RSU1: variants seen among roughly 807,000 people sequenced by gnomAD.
RSU1 encodes the protein rsu-1.
A neutral mutation model predicts 31.1 loss-of-function variants in RSU1; 26 were observed. The ratio of observed to expected loss-of-function variants is 0.84; its 90% CI spans 0.61 to 1.16. RSU1 has a LOEUF of 1.16. Among genes scored for constraint, RSU1 ranks in the 50% most tolerant of loss-of-function variants. The pLI is 0.00. For missense variants in RSU1, 320 were observed against 339.1 expected (o/e 0.94, Z 0.44); for synonymous variants, 164 against 136.3 (o/e 1.20, Z -1.41).
At chr10:16,764,161 TCCTTATTGCG>T (rs1444261677) in intron 4 of RSU1, among the ~76,000 whole-genome samples, 8 of 152,192 alleles carry the variant, frequency 5.3e-5, no homozygotes, top group African/African-American at 1.7e-4. Context: ...AAATTTAACT[TCCTTATTGCG>T]CCAACAATTA....
chr10:16,672,283 C>A (rs1835122438), intron 8 of RSU1, among the ~76,000 whole-genome samples: 2 of 152,034 alleles, frequency 1.3e-5, no homozygotes, highest in Non-Finnish European at 2.9e-5. Context: ...GCACTCCAGC[C>A]TGGGCGACAG....
intron 7 of RSU1, chr10:16,721,667 T>C (rs756172951): frequency 1.3e-5 from 2 of 152,366 alleles, no homozygotes; most frequent in East Asian, 1.9e-4. Flanking sequence ...TTCTCTTGCA[T>C]TGCAATAGGC....
intron 8 of RSU1, among the ~76,000 whole-genome samples, chr10:16,615,470 A>G (rs1833960332): frequency 6.6e-6 from 1 of 152,222 alleles, no homozygotes; most frequent in African/African-American, 2.4e-5. Context: ...TACTAGACAG[A>G]TCAACAAGAC....
At chr10:16,772,773 T>A (rs1311289771) in intron 3 of RSU1, among the ~76,000 whole-genome samples, 1 of 151,830 alleles carries the variant, frequency 6.6e-6, no homozygotes, top group Non-Finnish European at 1.5e-5. Flanking sequence ...ATAATATATA[T>A]GGATGTATAT....
At chr10:16,651,729 A>G (rs1169075556) in intron 8 of RSU1, among the ~76,000 whole-genome samples, 18 of 152,236 alleles carry the variant, frequency 1.2e-4, no homozygotes, top group Admixed American at 6.5e-4. Context: ...AAGAATAAAA[A>G]TTGAATTATG....
At chr10:16,731,767 G>A (rs1224513917) in intron 7 of RSU1, among the ~76,000 whole-genome samples, 1 of 151,464 alleles carries the variant, frequency 6.6e-6, no homozygotes, top group African/African-American at 2.4e-5. Context: ...TTTTTTATAG[G>A]CTTGGTCATT....
chr10:16,722,512 C>T (rs1289443918), intron 7 of RSU1, among the ~76,000 whole-genome samples: 1 of 152,058 alleles, frequency 6.6e-6, no homozygotes, highest in African/African-American at 2.4e-5. Context: ...GCCTCTGGAA[C>T]ATGAAAGTGA....
In RSU1 at chr10:16,755,004, C is replaced by G; in HGVS notation, c.282-15G>C. Reference sequence around the variant, plus strand: ...GCCTGTTCATGCTGTTGCAGGGGGACAAAAATCTATGTCATGACACCAAAG... The same window carrying G: ...GCCTGTTCATGCTGTTGCAGGGGGAGAAAAATCTATGTCATGACACCAAAG... On this transcript the variant is annotated splice_polypyrimidine_tract_variant and intron_variant, in intron 4 of 8. Transcript: ENST00000345264. 6.5e-7 allele frequency: 1 copy of G among 1,531,686 alleles called. No individual in the cohort carries two copies. The highest frequency in any genetic ancestry group is 9.0e-7 in the Non-Finnish European group (1 of 1,111,554). 94.9% of individuals were successfully genotyped at this position (1,531,686 alleles called of 1,614,324 possible).
At chr10:16,773,647 G>A (rs762292467) in intron 3 of RSU1, among the ~76,000 whole-genome samples, 7 of 152,126 alleles carry the variant, frequency 4.6e-5, no homozygotes, top group African/African-American at 4.8e-5. Context: ...CCTCCTCCAC[G>A]TAATACAGAG....
At chr10:16,626,062 T>G (rs932776673) in intron 8 of RSU1, among the ~76,000 whole-genome samples, 5 of 151,868 alleles carry the variant, frequency 3.3e-5, no homozygotes, top group Admixed American at 6.6e-5. Context: ...TTTTTTTTTT[T>G]GAGACAAGGT....
chr10:16,745,841 C>T (rs1224351615), intron 7 of RSU1, among the ~76,000 whole-genome samples: 1 of 152,170 alleles, frequency 6.6e-6, no homozygotes, highest in Non-Finnish European at 1.5e-5. Context: ...CTACTGTTTA[C>T]ATTTAAAAAA....
rs563316433 is a variant in RSU1 at position 16,607,299 on chromosome 10, G to C, written c.732-13803C>G. On this transcript the variant is annotated intron_variant, in intron 8 of 8. Coordinates refer to ENST00000345264, the MANE Select transcript of RSU1 (RefSeq NM_012425.4). ...CTTCCTGTACCTCCTGCAGAACCATGAGCCAGTTAAACCTCTTCTATATAA... is the reference window on the plus strand; with the variant it reads ...CTTCCTGTACCTCCTGCAGAACCATCAGCCAGTTAAACCTCTTCTATATAA... Among the ~76,000 whole-genome samples, 10 of 152,246 alleles carry C rather than the reference G, an allele frequency of 6.6e-5. No individual in the cohort carries two copies. The East Asian group carries it at 1.9e-3, about 29-fold the overall frequency.
chr10:16,600,203 T>A (rs549226531), intron 8 of RSU1, among the ~76,000 whole-genome samples: 1 of 152,302 alleles, frequency 6.6e-6, no homozygotes, highest in African/African-American at 2.4e-5. Flanking sequence ...TGAACCAGTC[T>A]GCTAGGCTCA....
intron 2 of RSU1, among the ~76,000 whole-genome samples, chr10:16,796,225 A>G (rs995722520): frequency 1.3e-5 from 2 of 152,032 alleles, no homozygotes; most frequent in African/African-American, 2.4e-5. Flanking sequence ...CTCTCCCCAC[A>G]TGTCATCCCT....
rs546822000 is a variant in RSU1 at position 16,742,633 on chromosome 10, G to A, written c.598+9906C>T. 5.3e-4 allele frequency among the ~76,000 whole-genome samples: 80 copies of A among 151,878 alleles called. 1 individual carries two copies. Among genetic ancestry groups the A allele is most frequent in the Admixed American group, 2.0e-3 (30 of 15,248 alleles). ...TTTAAAAAAAAAAAAAATTAAATCCGGAACGTTAGCACTGCCGGCATTTCT... is the reference window on the plus strand; with the variant it reads ...TTTAAAAAAAAAAAAAATTAAATCCAGAACGTTAGCACTGCCGGCATTTCT... On this transcript the variant is annotated intron_variant, in intron 7 of 8. Transcript: ENST00000345264.
intron 7 of RSU1, among the ~76,000 whole-genome samples, chr10:16,729,279 T>C (rs1458833388): frequency 6.6e-6 from 1 of 152,176 alleles, no homozygotes. Context: ...ATTAGTGATA[T>C]TGCAAAAACA....
intron 8 of RSU1, among the ~76,000 whole-genome samples, chr10:16,616,757 G>C (rs1226762573): frequency 6.6e-6 from 1 of 152,108 alleles, no homozygotes; most frequent in Non-Finnish European, 1.5e-5. Context: ...CTGAATCAAG[G>C]ACAAACACCA....
intron 8 of RSU1, among the ~76,000 whole-genome samples, chr10:16,603,250 T>C (rs1052994791): frequency 3.3e-5 from 5 of 152,160 alleles, no homozygotes; most frequent in Admixed American, 1.3e-4. Flanking sequence ...TAGCAAGCTA[T>C]ATGAAAAATA....
intron 7 of RSU1, among the ~76,000 whole-genome samples, chr10:16,731,290 C>T (rs897805083): frequency 3.3e-5 from 5 of 151,784 alleles, no homozygotes. Context: ...ATTAGCCGGG[C>T]GCGGGGGTGG....
Sources: gnomAD v4.1 joint callset for allele counts (sites outside exome capture counted in the v4.1 genomes callset) on GRCh38, gnomAD v4.1.1 for gene constraint, MANE v1.5 for transcripts, NCBI Gene and HGNC (gene_info 2026-07-23, HGNC 2026-07-21) for gene names.